CACNA1C: variants seen among roughly 807,000 people sequenced by gnomAD.
The protein encoded by CACNA1C is voltage-dependent L-type calcium channel subunit alpha-1C.
In CACNA1C, 30 loss-of-function variants were observed where a neutral mutation model predicts 229.0. The observed-to-expected ratio is 0.13, with a 90% CI of 0.10 to 0.18. The LOEUF is 0.18. CACNA1C is among the 10% of genes least tolerant of loss of function. The pLI, the probability that CACNA1C is intolerant of heterozygous loss-of-function variation, is 1.00. For synonymous variants in CACNA1C, 1,114 were observed against 1,132.5 expected (o/e 0.98, Z 0.33); for missense variants, 1,658 against 2,845.0 (o/e 0.58, Z 9.49).
chr12:2,115,646 C>A, intron 2 of CACNA1C, 101 bp downstream of exon 2: 2 of 1,181,404 alleles, frequency 1.7e-6, no homozygotes, highest in Non-Finnish European at 2.5e-6. Context: ...CTGTGCTGGG[C>A]TACAAACGGG....
intron 13 of CACNA1C, 72 bp downstream of exon 13, chr12:2,567,866 C>A: frequency 1.1e-6 from 1 of 903,458 alleles, no homozygotes; most frequent in Non-Finnish European, 1.7e-6. Flanking sequence ...AGGGAGGTGG[C>A]AAGGCCTGGG....
chr12:2,620,964 A>G (rs1183836547), intron 29 of CACNA1C, among the ~76,000 whole-genome samples: 1 of 152,194 alleles, frequency 6.6e-6, no homozygotes, highest in Non-Finnish European at 1.5e-5. Flanking sequence ...TTGAGCTTCC[A>G]TCAGTGCAGA....
chr12:2,586,829 G>T (rs2062657239), intron 18 of CACNA1C, among the ~76,000 whole-genome samples: 1 of 152,188 alleles, frequency 6.6e-6, no homozygotes, highest in Non-Finnish European at 1.5e-5. Context: ...CCCTCCTCCT[G>T]CAAGGGAATA....
At chr12:2,550,800 C>A in intron 10 of CACNA1C, 1 of 631,468 alleles carries the variant, frequency 1.6e-6, no homozygotes, top group Non-Finnish European at 2.3e-6. Flanking sequence ...AGAGTCTAAA[C>A]ACAGCAATGC....
chr12:2,308,118 A>AC (rs2095191399), intron 3 of CACNA1C, among the ~76,000 whole-genome samples: 1 of 152,232 alleles, frequency 6.6e-6, no homozygotes, highest in Non-Finnish European at 1.5e-5. Flanking sequence ...AATCACTCAA[A>AC]CACCCACATG....
chr12:2,119,338 C>A (rs1335047798), intron 2 of CACNA1C, among the ~76,000 whole-genome samples: 2 of 152,208 alleles, frequency 1.3e-5, no homozygotes, highest in Non-Finnish European at 2.9e-5. Context: ...AACTGGGCTG[C>A]AAACTTGGCA....
intron 1 of CACNA1C, among the ~76,000 whole-genome samples, chr12:2,065,281 A>C (rs1223493449): frequency 2.0e-5 from 3 of 152,206 alleles, no homozygotes; most frequent in Non-Finnish European, 4.4e-5. Context: ...AAAAGGCAAA[A>C]ATTTTGACCT....
chr12:2,475,846 T>A (rs2099624424), intron 5 of CACNA1C, among the ~76,000 whole-genome samples: 1 of 152,238 alleles, frequency 6.6e-6, no homozygotes, highest in Admixed American at 6.5e-5. Context: ...ATAGTGGTTA[T>A]CTTGGTGTAG....
chr12:2,450,353 G>C (rs181551736), intron 4 of CACNA1C, among the ~76,000 whole-genome samples: 3 of 151,836 alleles, frequency 2.0e-5, no homozygotes, highest in Non-Finnish European at 4.4e-5. Context: ...AGGAGATCGA[G>C]ACCATCCTGG....
intron 3 of CACNA1C, among the ~76,000 whole-genome samples, chr12:2,411,470 C>G (rs1325657213): frequency 3.9e-5 from 6 of 152,158 alleles, no homozygotes; most frequent in African/African-American, 1.4e-4. Context: ...AAGCCCTGCT[C>G]CTTCTGTGGG....
intron 7 of CACNA1C, among the ~76,000 whole-genome samples, chr12:2,498,871 A>G (rs2099752647): frequency 6.6e-6 from 1 of 152,180 alleles, no homozygotes; most frequent in Non-Finnish European, 1.5e-5. Flanking sequence ...GTCTTCACAC[A>G]CTGGGGCCCA....
intron 3 of CACNA1C, among the ~76,000 whole-genome samples, chr12:2,131,963 T>A (rs2092322754): frequency 1.4e-5 from 2 of 144,318 alleles, no homozygotes; most frequent in South Asian, 2.3e-4. Context: ...CATTTGTTTG[T>A]ATCCTCTTTT....
intron 1 of CACNA1C, among the ~76,000 whole-genome samples, chr12:2,000,306 C>T (rs536861274): frequency 4.6e-4 from 70 of 152,300 alleles, no homozygotes; most frequent in Non-Finnish European, 7.5e-4. Context: ...GATCACTCCC[C>T]ACAAGATCAA....
rs1464858738 is a variant in CACNA1C, at chr12:2,488,508, A to G, written c.916+2246A>G. On this transcript the variant is annotated intron_variant, in intron 6 of 46. Coordinates refer to ENST00000399655, the MANE Select transcript of CACNA1C (RefSeq NM_000719.7). The surrounding 1 kb of genome is among the most constrained non-coding windows in gnomAD (Gnocchi z 4.0). ...TTGGCCTCCCCAATTGGAATGGCCAATTTAGGATCACATTGTCCACCCTTG... is the reference window on the plus strand; with the variant it reads ...TTGGCCTCCCCAATTGGAATGGCCAGTTTAGGATCACATTGTCCACCCTTG... 3.9e-5 allele frequency among the ~76,000 whole-genome samples: 6 copies of G among 152,246 alleles called. No homozygotes were observed. Among genetic ancestry groups the G allele is most frequent in the Admixed American group, 2.6e-4 (4 of 15,288 alleles).
rs1346173588 is a variant in CACNA1C at position 2,677,473 on chromosome 12, CTGAGGCTCCCG to C, written c.4956+256_4957-246del. 1 of 613,960 alleles carries C rather than the reference CTGAGGCTCCCG, an allele frequency of 1.6e-6. No individual in the cohort carries two copies. Among genetic ancestry groups the C allele is most frequent in the African/African-American group, 1.8e-5 (1 of 54,218 alleles). 38.0% of individuals were successfully genotyped at this position (613,960 alleles called of 1,614,324 possible). A position where few individuals can be genotyped will look rare whatever the true frequency, so the allele number is the denominator to read the frequency against. ...GCCCCCAGATCTCTCAAATACTTCA[CTGAGGCTCCCG>C]TGACAGCCCCTGACCCCTGGTGCCC... On this transcript the variant is annotated intron_variant, in intron 40 of 46. Transcript: ENST00000399655. The surrounding 1 kb of genome is among the most constrained non-coding windows in gnomAD (Gnocchi z 7.4).
intron 3 of CACNA1C, among the ~76,000 whole-genome samples, chr12:2,261,219 G>A (rs1397582318): frequency 1.3e-5 from 2 of 150,682 alleles, no homozygotes; most frequent in African/African-American, 4.9e-5. Flanking sequence ...GTGACAGAGC[G>A]AGACTCCGTC....
intron 3 of CACNA1C, among the ~76,000 whole-genome samples, chr12:2,139,871 C>T (rs1157556977): frequency 1.3e-5 from 2 of 151,270 alleles, no homozygotes; most frequent in African/African-American, 4.8e-5. Context: ...CCTCATGCGA[C>T]ATGCCCTGGC....
chr12:2,677,004 A>G lies in CACNA1C; in HGVS notation c.4829-90A>G. ...CTCCAAAAATATTAAAGTTTTAAAA[A>G]GTTTTGGATGCTGAAAAAAAAAATG... On this transcript the variant is annotated intron_variant, in intron 39 of 46. Coordinates refer to ENST00000399655, the MANE Select transcript of CACNA1C (RefSeq NM_000719.7). The surrounding 1 kb of genome is among the most constrained non-coding windows in gnomAD (Gnocchi z 7.4). 1 of 1,087,968 alleles carries G rather than the reference A, an allele frequency of 9.2e-7. No homozygotes were observed. The highest frequency in any genetic ancestry group is 1.4e-6 in the Non-Finnish European group (1 of 739,376). 67.4% of individuals were successfully genotyped at this position (1,087,968 alleles called of 1,614,324 possible).
intron 1 of CACNA1C, among the ~76,000 whole-genome samples, chr12:2,092,664 A>T (rs1362073546): frequency 1.3e-5 from 2 of 152,130 alleles, no homozygotes; most frequent in Non-Finnish European, 2.9e-5. Flanking sequence ...ATCACTTCCA[A>T]CTCAAGGGAG....
Sources: gnomAD v4.1 joint callset for allele counts (sites outside exome capture counted in the v4.1 genomes callset) on GRCh38, gnomAD v4.1.1 for gene constraint, Gnocchi (gnomAD v3.1) non-coding constraint, MANE v1.5 for transcripts, NCBI Gene and HGNC (gene_info 2026-07-23, HGNC 2026-07-21) for gene names.